Variants in SLC15A2 observed in about 807,000 individuals in gnomAD.
The protein encoded by SLC15A2 is solute carrier family 15 member 2, also known as kidney H(+)/peptide cotransporter.
Under a neutral mutation model 95.5 loss-of-function variants are expected in SLC15A2, and 77 were observed. The observed-to-expected ratio is 0.81, with a 90% CI of 0.67 to 0.97. SLC15A2 has a LOEUF of 0.97. Among genes scored for constraint, SLC15A2 ranks in the 50% least tolerant of loss-of-function variants. SLC15A2 has a pLI of 0.00. For missense variants in SLC15A2, 893 were observed against 874.4 expected (o/e 1.02, Z -0.27); for synonymous variants, 306 against 306.9 (o/e 1.00, Z 0.03).
chr3:121,919,598 A>C (rs888139470), intron 7 of SLC15A2, among the ~76,000 whole-genome samples: 4 of 152,170 alleles, frequency 2.6e-5, no homozygotes, highest in Admixed American at 2.6e-4. Context: ...CGGAGATAGA[A>C]GTTCTCACTC....
Position 121,941,219 on chromosome 3 carries a change from T to G in SLC15A2, c.*212T>G, listed in dbSNP as rs1710459485. 3 of 462,480 alleles carry G rather than the reference T, an allele frequency of 6.5e-6. No homozygotes were observed. The highest frequency in any genetic ancestry group is 3.8e-5 in the Admixed American group (1 of 26,566). The allele number at this position is 462,480 out of a possible 1,614,324, so 28.6% of individuals were successfully genotyped here. On this transcript the variant is annotated 3_prime_UTR_variant, in exon 22 of 22. Transcript: ENST00000489711. ...TCTGCCCGTCCATCAGTGAACTCAT[T>G]AAAACTTGTGCAGTGTTGCTGGAGC...
At chr3:121,899,354 C>T (rs1709480724) in intron 3 of SLC15A2, among the ~76,000 whole-genome samples, 1 of 152,130 alleles carries the variant, frequency 6.6e-6, no homozygotes, top group Non-Finnish European at 1.5e-5. Flanking sequence ...ATCACCATCA[C>T]CTAGATCACT....
At chr3:121,935,589 T>A (rs1246242474) in intron 19 of SLC15A2, among the ~76,000 whole-genome samples, 1 of 152,180 alleles carries the variant, frequency 6.6e-6, no homozygotes, top group Non-Finnish European at 1.5e-5. Flanking sequence ...TAGTTTGTAT[T>A]TCTGTGGGAT....
chr3:121,902,680 G>C (rs1559839979), intron 3 of SLC15A2, among the ~76,000 whole-genome samples: 1 of 152,132 alleles, frequency 6.6e-6, no homozygotes, highest in Non-Finnish European at 1.5e-5. Flanking sequence ...CCCTGCAAAG[G>C]ACATGAACTC....
At chr3:121,910,248 G>A (rs1709737354) in intron 3 of SLC15A2, among the ~76,000 whole-genome samples, 1 of 143,654 alleles carries the variant, frequency 7.0e-6, no homozygotes, top group Admixed American at 7.5e-5. Flanking sequence ...AGTATGGAGT[G>A]CAGTGGCACC....
chr3:121,941,179 C>A lies in SLC15A2; in HGVS notation c.*172C>A, dbSNP rs1710458299. On this transcript the variant is annotated 3_prime_UTR_variant, in exon 22 of 22. Coordinates refer to ENST00000489711, the MANE Select transcript of SLC15A2 (RefSeq NM_021082.4). ...TTTCCAGTACATCTTTAAACAAGGCCCCAGAGACTCTATGTCTGCCCGTCC... is the reference window on the plus strand; with the variant it reads ...TTTCCAGTACATCTTTAAACAAGGCACCAGAGACTCTATGTCTGCCCGTCC... 10 of 580,026 alleles carry A rather than the reference C, an allele frequency of 1.7e-5. No individual in the cohort carries two copies. Among genetic ancestry groups the A allele is most frequent in the Admixed American group, 3.3e-5 (1 of 30,390 alleles). The allele number at this position is 580,026 out of a possible 1,614,324, so 35.9% of individuals were successfully genotyped here.
rs567058006 is a variant in SLC15A2 at position 121,941,518 on chromosome 3, T to G, written c.*511T>G. On this transcript the variant is annotated 3_prime_UTR_variant, in exon 22 of 22. Transcript: ENST00000489711. ...GATCTGGTCCAGCCAGGGCCTGGCTTGTCAGCTCTCTAGGTTTGATATGAC... is the reference window on the plus strand; with the variant it reads ...GATCTGGTCCAGCCAGGGCCTGGCTGGTCAGCTCTCTAGGTTTGATATGAC... 6.6e-6 allele frequency: 1 copy of G among 152,382 alleles called. No individual in the cohort carries two copies. Among genetic ancestry groups the G allele is most frequent in the African/African-American group, 2.4e-5 (1 of 41,590 alleles). The allele number at this position is 152,382 out of a possible 1,614,324, so 9.4% of individuals were successfully genotyped here. A position where few individuals can be genotyped will look rare whatever the true frequency, so the allele number is the denominator to read the frequency against.
chr3:121,925,299 A>G (rs1475981176), intron 13 of SLC15A2, among the ~76,000 whole-genome samples: 1 of 152,090 alleles, frequency 6.6e-6, no homozygotes, highest in Non-Finnish European at 1.5e-5. Context: ...GCCAAACCAA[A>G]AATATGTGAA....
chr3:121,905,445 T>C (rs1709617074), intron 3 of SLC15A2, among the ~76,000 whole-genome samples: 1 of 152,252 alleles, frequency 6.6e-6, no homozygotes, highest in South Asian at 2.1e-4. Flanking sequence ...GATGTTAAGG[T>C]GTCGATTTTA....
intron 19 of SLC15A2, among the ~76,000 whole-genome samples, chr3:121,934,808 G>C (rs1341922359): frequency 6.6e-6 from 1 of 152,118 alleles, no homozygotes; most frequent in Non-Finnish European, 1.5e-5. Flanking sequence ...ATGTTGAATA[G>C]GAGTGGAGAG....
At chr3:121,934,673 T>C (rs1710302932) in intron 19 of SLC15A2, among the ~76,000 whole-genome samples, 1 of 152,214 alleles carries the variant, frequency 6.6e-6, no homozygotes, top group South Asian at 2.1e-4. Context: ...GCTGAGACAA[T>C]GGGGTTTTCT....
intron 3 of SLC15A2, among the ~76,000 whole-genome samples, chr3:121,909,012 T>TA (rs1224961859): frequency 3.3e-5 from 5 of 150,470 alleles, no homozygotes; most frequent in African/African-American, 4.9e-5. Context: ...ATCTCTACAA[T>TA]AAAAAAAAAG....
chr3:121,930,647 C>G (rs1710213841), intron 17 of SLC15A2, among the ~76,000 whole-genome samples, 193 bp from the exon 18 acceptor site: 1 of 152,106 alleles, frequency 6.6e-6, no homozygotes, highest in South Asian at 2.1e-4. Flanking sequence ...ACAGCTAAGA[C>G]TATGGATTAC....
intron 3 of SLC15A2, among the ~76,000 whole-genome samples, chr3:121,899,748 A>C (rs932080500): frequency 1.3e-5 from 2 of 152,274 alleles, no homozygotes; most frequent in Admixed American, 6.5e-5. Flanking sequence ...TACCTAATTC[A>C]TATTGTTCAT....
At chr3:121,932,621 C>T (rs1384785215) in intron 19 of SLC15A2, among the ~76,000 whole-genome samples, 18 of 151,992 alleles carry the variant, frequency 1.2e-4, no homozygotes, top group Admixed American at 1.2e-3. Flanking sequence ...CATTATTATT[C>T]ATACTGTATT....
At chr3:121,916,258 A>C (rs2107588670) in intron 7 of SLC15A2, among the ~76,000 whole-genome samples, 1 of 152,306 alleles carries the variant, frequency 6.6e-6, no homozygotes, top group South Asian at 2.1e-4. Context: ...ACTTAAATCA[A>C]GTGGCATTCT....
chr3:121,901,724 CT>C (rs2107570430), intron 3 of SLC15A2, among the ~76,000 whole-genome samples: 1 of 152,116 alleles, frequency 6.6e-6, no homozygotes, highest in African/African-American at 2.4e-5. Context: ...CCTTTACTGT[CT>C]TTTCTAATTT....
intron 17 of SLC15A2, among the ~76,000 whole-genome samples, chr3:121,930,017 A>G (rs550449901): frequency 6.6e-6 from 1 of 152,350 alleles, no homozygotes; most frequent in South Asian, 2.1e-4. Context: ...TGGGACAGTC[A>G]TAATAACTTG....
intron 7 of SLC15A2, among the ~76,000 whole-genome samples, chr3:121,918,599 T>C (rs867005389): frequency 6.6e-6 from 1 of 151,752 alleles, no homozygotes; most frequent in East Asian, 1.9e-4. Context: ...AGGTTCAAAC[T>C]TCAAGAAACG....
Sources: allele counts gnomAD v4.1 joint callset (sites outside exome capture counted in the v4.1 genomes callset), GRCh38; gene constraint gnomAD v4.1.1; transcripts MANE v1.5; gene names NCBI Gene and HGNC (gene_info 2026-07-23, HGNC 2026-07-21).